DOC2B: variants seen among roughly 807,000 people sequenced by gnomAD.
DOC2B encodes the protein double C2-like domain-containing protein beta.
Under a neutral mutation model 28.9 loss-of-function variants are expected in DOC2B, and 21 were observed. The observed-to-expected ratio is 0.73, with a 90% CI of 0.52 to 1.05. The LOEUF is 1.05. Ranked by LOEUF, DOC2B falls within the 50% of genes least tolerant of loss-of-function variation. The pLI is 0.00. For synonymous variants in DOC2B, 194 were observed against 178.1 expected (o/e 1.09, Z -0.71); for missense variants, 384 against 421.1 (o/e 0.91, Z 0.77).
chr17:160,378 A>C (rs1555523068), intron 5 of DOC2B, among the ~76,000 whole-genome samples: 1 of 152,208 alleles, frequency 6.6e-6, no homozygotes, highest in Non-Finnish European at 1.5e-5. Context: ...CAAGGAATAA[A>C]ATTGGATCAA....
At chr17:170,536 G>A (rs1414880893) in intron 2 of DOC2B, among the ~76,000 whole-genome samples, 1 of 152,110 alleles carries the variant, frequency 6.6e-6, no homozygotes, top group Non-Finnish European at 1.5e-5. Flanking sequence ...CTGGGCCCAG[G>A]CAGCTCTGTG....
Position 181,118 on chromosome 17 carries a change from G to A in DOC2B, c.362C>T (p.Ser121Leu). The A allele has an allele frequency of 8.0e-7, 1 of 1,251,812 alleles. No individual in the cohort carries two copies. Among genetic ancestry groups the A allele is most frequent in the South Asian group, 2.9e-5 (1 of 34,218 alleles). The allele number at this position is 1,251,812 out of a possible 1,614,324, so 77.5% of individuals were successfully genotyped here. ...CGTGGGAAACTTACTGCAGTCGTCC[G>A]ACTCGTAGCCGTCGGCGTCCGGCTC... The part of the protein sequence containing the change: ...EDEPDADGYE[S>L]DDCTALGTLD... The change falls in exon 1 of 9, where the codon TCG becomes TTG. Residue 121 changes from serine to leucine, a missense_variant. Ser to Leu is a moderately radical substitution (Grantham distance 145, BLOSUM62 -2). Transcript: ENST00000613549. This position sits in a 1 kb window ranked among gnomAD's most constrained non-coding sequence, Gnocchi z 7.0.
In DOC2B at chr17:148,257, C is replaced by G. The variant is rs2040036497; in HGVS notation, c.1018G>C (p.Glu340Gln). 5 of 398,650 alleles carry G rather than the reference C, an allele frequency of 1.3e-5. No individual in the cohort carries two copies. The highest frequency in any genetic ancestry group is 2.2e-5 in the Non-Finnish European group (5 of 226,112). 24.7% of individuals were successfully genotyped at this position (398,650 alleles called of 1,614,324 possible). A position where few individuals can be genotyped will look rare whatever the true frequency, so the allele number is the denominator to read the frequency against. ...NPEFNEEFCY[E>Q]IKHGDLAKKS... ...TTGGCCAGGTCCCCATGCTTGATCT[C>G]GTAACAGAACTCCTGCTGGCAAGAA... The change falls in exon 8 of 9, where the codon GAG becomes CAG. Residue 340 changes from glutamate (E) to glutamine (Q), a missense_variant. Transcript: ENST00000613549.
In DOC2B at chr17:181,144, G is replaced by C. The variant is rs1004570228; in HGVS notation, c.336C>G (p.Asp112Glu). Reference sequence around the variant, plus strand: ...ACTCGTAGCCGTCGGCGTCCGGCTCGTCCTCCGGCGGCTTGGCTGGCGGCC... The same window carrying C: ...ACTCGTAGCCGTCGGCGTCCGGCTCCTCCTCCGGCGGCTTGGCTGGCGGCC... ...PARPPAKPPE[D>E]EPDADGYESD... The change falls in exon 1 of 9, where the codon GAC (aspartate) becomes GAG (glutamate). Residue 112 changes from aspartate to glutamate, a missense_variant. Asp to Glu is a conservative substitution (Grantham distance 45, BLOSUM62 2). Transcript: ENST00000613549. This position sits in a 1 kb window ranked among gnomAD's most constrained non-coding sequence, Gnocchi z 7.0. 18 of 1,253,570 alleles carry C rather than the reference G, an allele frequency of 1.4e-5. No homozygotes were observed. Among genetic ancestry groups the C allele is most frequent in the Non-Finnish European group, 1.8e-5 (18 of 1,000,172 alleles). The allele number at this position is 1,253,570 out of a possible 1,614,324, so 77.7% of individuals were successfully genotyped here.
chr17:179,286 T>C (rs1253148493), intron 1 of DOC2B, among the ~76,000 whole-genome samples: 1 of 151,972 alleles, frequency 6.6e-6, no homozygotes, highest in Non-Finnish European at 1.5e-5. Flanking sequence ...CCAGCCCTGC[T>C]GCCAGGACAT....
At chr17:172,250 C>T (rs1463228838) in intron 2 of DOC2B, among the ~76,000 whole-genome samples, 1 of 152,012 alleles carries the variant, frequency 6.6e-6, no homozygotes, top group Non-Finnish European at 1.5e-5. Flanking sequence ...CTCTTTCCCT[C>T]TCAGCAGCCC....
Position 147,170 on chromosome 17 carries a change from C to T in DOC2B, c.*271G>A. 5.6e-6 allele frequency: 2 copies of T among 355,004 alleles called. No individual in the cohort carries two copies. The highest frequency in any genetic ancestry group is 1.0e-5 in the Non-Finnish European group (2 of 198,620). 22.0% of individuals were successfully genotyped at this position (355,004 alleles called of 1,614,324 possible). A position where few individuals can be genotyped will look rare whatever the true frequency, so the allele number is the denominator to read the frequency against. On this transcript the variant is annotated 3_prime_UTR_variant, in exon 9 of 9. Transcript: ENST00000613549. ...TGCTCCCAGATGGGCGTGTCCCCTT[C>T]CCCTGGGCAGGTGCTGAGGTCTCTT...
chr17:172,729 G>A, intron 1 of DOC2B, 113 bp from the exon 2 acceptor site: 3 of 813,110 alleles, frequency 3.7e-6, no homozygotes, highest in Non-Finnish European at 3.7e-6. Flanking sequence ...TTCCATGGCG[G>A]CTGCCACCAA....
intron 1 of DOC2B, among the ~76,000 whole-genome samples, chr17:173,384 C>T (rs2040334793): frequency 1.3e-5 from 2 of 152,110 alleles, no homozygotes. Context: ...TGGTGGGGGG[C>T]AGAGCTTAGT....
At chr17:165,594 G>T (rs1293924062) in intron 2 of DOC2B, among the ~76,000 whole-genome samples, 1 of 152,080 alleles carries the variant, frequency 6.6e-6, no homozygotes, top group African/African-American at 2.4e-5. Flanking sequence ...GGCAGGGTTT[G>T]CTCCCTTCCC....
intron 1 of DOC2B, among the ~76,000 whole-genome samples, chr17:180,123 G>T (rs955208313): frequency 1.3e-4 from 20 of 152,274 alleles, no homozygotes; most frequent in African/African-American, 4.8e-4. Flanking sequence ...GGTTTGACGA[G>T]ACGCTGGTTT....
At chr17:172,674 T>C in intron 1 of DOC2B, 58 bp from the exon 2 acceptor site, 6 of 1,432,604 alleles carry the variant, frequency 4.2e-6, no homozygotes, top group Non-Finnish European at 5.7e-6. Context: ...AGGCTTCGCC[T>C]GCCCCTGTGA....
chr17:169,938 G>A (rs186788891), intron 2 of DOC2B, among the ~76,000 whole-genome samples: 1 of 152,336 alleles, frequency 6.6e-6, no homozygotes, highest in East Asian at 1.9e-4. Flanking sequence ...TTACATGTGT[G>A]CACGCACGGT....
Position 160,286 on chromosome 17 carries a change from G to A in DOC2B, c.765+1129C>T, listed in dbSNP as rs144418494. Among the ~76,000 whole-genome samples the A allele has an allele frequency of 7.9e-3, 1,197 of 152,224 alleles. 12 individuals carry two copies. The highest frequency in any genetic ancestry group is 0.027 in the African/African-American group (1,133 of 41,526). ...GTGACATAGACCATGTGGAAAAACC[G>A]GGTTACCTGTGGTTAGTGACTAACA... On this transcript the variant is annotated intron_variant, in intron 5 of 8. Coordinates refer to ENST00000613549, the MANE Select transcript of DOC2B (RefSeq NM_003585.5).
chr17:152,037 G>A (rs1007387515), intron 6 of DOC2B, among the ~76,000 whole-genome samples: 7 of 152,304 alleles, frequency 4.6e-5, no homozygotes, highest in East Asian at 3.9e-4. Flanking sequence ...GCCCTGTGGC[G>A]TCTCTCCCTC....
At chr17:173,478 T>C (rs574526577) in intron 1 of DOC2B, among the ~76,000 whole-genome samples, 1 of 152,280 alleles carries the variant, frequency 6.6e-6, no homozygotes, top group East Asian at 1.9e-4. Context: ...GCTGGTCAAA[T>C]GGTGTCACAT....
Position 170,668 on chromosome 17 carries a change from C to A in DOC2B, c.453+1869G>T, listed in dbSNP as rs2040301947. Among the ~76,000 whole-genome samples, 2 of 152,186 alleles carry A rather than the reference C, an allele frequency of 1.3e-5. 1 individual carries two copies. The highest frequency in any genetic ancestry group is 4.8e-5 in the African/African-American group (2 of 41,450). On this transcript the variant is annotated intron_variant, in intron 2 of 8. Transcript: ENST00000613549. ...CATCAATTTTGGCACCTTCCTCCCACAGGGAGCAATGGGGTGAGGGGAAGG... is the reference window on the plus strand; with the variant it reads ...CATCAATTTTGGCACCTTCCTCCCAAAGGGAGCAATGGGGTGAGGGGAAGG...
chr17:164,260 G>C lies in DOC2B; in HGVS notation c.454-56C>G, dbSNP rs1461511060. ...GGAAATCGGGGACATGGAACTGACA[G>C]GGCCTGCAGATGCCCTTGTCCCCTG... is the stretch of plus-strand genomic sequence containing the variant. On this transcript the variant is annotated intron_variant, in intron 2 of 8. Transcript: ENST00000613549. The C allele has an allele frequency of 2.9e-6, 4 of 1,371,004 alleles. No individual in the cohort carries two copies. The South Asian group carries it at 5.0e-5, about 17-fold the overall frequency. The allele number at this position is 1,371,004 out of a possible 1,614,324, so 84.9% of individuals were successfully genotyped here.
chr17:179,507 C>T (rs969505862), intron 1 of DOC2B, among the ~76,000 whole-genome samples: 3 of 152,210 alleles, frequency 2.0e-5, no homozygotes, highest in African/African-American at 7.2e-5. Flanking sequence ...TTCCTTGGTG[C>T]AGCAGCAGAG....
Sources: allele counts gnomAD v4.1 joint callset (sites outside exome capture counted in the v4.1 genomes callset), GRCh38; gene constraint gnomAD v4.1.1; non-coding constraint Gnocchi (gnomAD v3.1); transcripts MANE v1.5; gene names NCBI Gene and HGNC (gene_info 2026-07-23, HGNC 2026-07-21).